Variants in SLC14A2 observed in about 807,000 individuals in gnomAD.
The protein encoded by SLC14A2 is solute carrier family 14 member 2.
A neutral mutation model predicts 104.6 loss-of-function variants in SLC14A2; 91 were observed. That is an observed-to-expected ratio of 0.87 (90% CI 0.73 to 1.04). SLC14A2 has a LOEUF of 1.04. Ranked by LOEUF, SLC14A2 falls within the 50% of genes least tolerant of loss-of-function variation. The pLI, the probability that SLC14A2 is intolerant of heterozygous loss-of-function variation, is 0.00. For missense variants in SLC14A2, 1,189 were observed against 1,156.0 expected, an observed-to-expected ratio of 1.03 and a Z score of -0.41; for synonymous variants, 476 against 466.4, an observed-to-expected ratio of 1.02 and a Z score of -0.27.
chr18:45,441,197 C>A (rs1331215721), intron 1 of SLC14A2, among the ~76,000 whole-genome samples: 1 of 152,150 alleles, frequency 6.6e-6, no homozygotes, highest in Non-Finnish European at 1.5e-5. Flanking sequence ...AGAAAAATAA[C>A]AAGGTGCCTT....
intron 2 of SLC14A2, among the ~76,000 whole-genome samples, chr18:45,566,342 A>C (rs2044265665): frequency 6.6e-6 from 1 of 152,174 alleles, no homozygotes; most frequent in Admixed American, 6.5e-5. Flanking sequence ...CTGTGTTCTC[A>C]TTAGGATATA....
At chr18:45,661,188 C>A (rs1325808219) in intron 10 of SLC14A2, among the ~76,000 whole-genome samples, 4 of 152,164 alleles carry the variant, frequency 2.6e-5, no homozygotes, top group African/African-American at 9.7e-5. Context: ...ACCTACCCAC[C>A]CATCCAAAGA....
intron 1 of SLC14A2, 106 bp from the exon 2 acceptor site, chr18:45,624,525 T>G (rs1325083857): frequency 2.9e-6 from 2 of 687,178 alleles, no homozygotes; most frequent in Non-Finnish European, 2.4e-6. Flanking sequence ...CCCACGTGTG[T>G]CACTGTCCAA....
At chr18:45,582,870 C>T (rs149492626) in intron 2 of SLC14A2, among the ~76,000 whole-genome samples, 1 of 152,182 alleles carries the variant, frequency 6.6e-6, no homozygotes, top group African/African-American at 2.4e-5. Flanking sequence ...CAAAATGGAA[C>T]CACTGCCTGC....
intron 1 of SLC14A2, among the ~76,000 whole-genome samples, chr18:45,342,942 A>G (rs1358422661): frequency 6.6e-6 from 1 of 152,132 alleles, no homozygotes; most frequent in East Asian, 1.9e-4. Flanking sequence ...TGTAACCATT[A>G]TTCAGACCTT....
intron 1 of SLC14A2, among the ~76,000 whole-genome samples, chr18:45,475,670 T>TATTTAGG (rs2087362672): frequency 3.7e-5 from 4 of 107,688 alleles, no homozygotes; most frequent in African/African-American, 1.4e-4. Flanking sequence ...TATATATATA[T>TATTTAGG]ATATATATAT....
chr18:45,319,697 T>C (rs1339863002), intron 1 of SLC14A2, among the ~76,000 whole-genome samples: 1 of 152,220 alleles, frequency 6.6e-6, no homozygotes, highest in African/African-American at 2.4e-5. Context: ...AAACACCTTA[T>C]TCTCAATCCA....
chr18:45,661,229 C>T (rs2045932183), intron 10 of SLC14A2, among the ~76,000 whole-genome samples: 1 of 152,232 alleles, frequency 6.6e-6, no homozygotes, highest in Non-Finnish European at 1.5e-5. Context: ...CACTCTCCAC[C>T]TGTGTTACTA....
chr18:45,299,393 A>G (rs764942715), intron 1 of SLC14A2, among the ~76,000 whole-genome samples: 2 of 152,280 alleles, frequency 1.3e-5, no homozygotes, highest in Non-Finnish European at 2.9e-5. Flanking sequence ...AGGAAAAGCC[A>G]GGGGTGCACA....
At chr18:45,584,069 T>TTA (rs1225890856) in intron 2 of SLC14A2, among the ~76,000 whole-genome samples, 6 of 152,248 alleles carry the variant, frequency 3.9e-5, no homozygotes, top group Non-Finnish European at 8.8e-5. Context: ...CTGTATGTAT[T>TTA]TATACTGCAG....
chr18:45,358,835 C>G (rs898263067), intron 1 of SLC14A2, among the ~76,000 whole-genome samples: 2 of 152,030 alleles, frequency 1.3e-5, no homozygotes, highest in African/African-American at 2.4e-5. Context: ...CTCAATCTCC[C>G]ACAAAGTGCT....
chr18:45,327,330 G>A (rs967491103), intron 1 of SLC14A2, among the ~76,000 whole-genome samples: 1 of 151,662 alleles, frequency 6.6e-6, no homozygotes, highest in Non-Finnish European at 1.5e-5. Context: ...GTGCTTTTTT[G>A]GTAAAATTTA....
chr18:45,396,606 G>T (rs1329302047), intron 1 of SLC14A2, among the ~76,000 whole-genome samples: 2 of 150,722 alleles, frequency 1.3e-5, no homozygotes, highest in African/African-American at 4.9e-5. Flanking sequence ...TACAGCTTGG[G>T]AGTCAACCTG....
At position 45,236,672 on chromosome 18, in the gene SLC14A2, C is replaced by T. The variant is rs1454499826; in HGVS notation, c.-125+23481C>T. Reference sequence around the variant, plus strand: ...TCTTTTTCTTTCTTTCATCAATGGACACTGATCTTGATTCCATATCTTAGC... The same window carrying T: ...TCTTTTTCTTTCTTTCATCAATGGATACTGATCTTGATTCCATATCTTAGC... On this transcript the variant is annotated intron_variant, in intron 1 of 20. Transcript: ENST00000586448. 2.6e-5 allele frequency among the ~76,000 whole-genome samples: 4 copies of T among 151,334 alleles called. No homozygotes were observed. In the East Asian group the frequency reaches 7.7e-4, roughly 29 times the overall value.
intron 1 of SLC14A2, among the ~76,000 whole-genome samples, chr18:45,454,051 G>T (rs756051432): frequency 3.3e-5 from 5 of 151,762 alleles, no homozygotes; most frequent in Non-Finnish European, 7.4e-5. Context: ...GTAGAGACAG[G>T]GTTTCACCAT....
intron 2 of SLC14A2, among the ~76,000 whole-genome samples, chr18:45,548,660 T>A (rs1226038878): frequency 6.6e-6 from 1 of 152,184 alleles, no homozygotes; most frequent in Non-Finnish European, 1.5e-5. Flanking sequence ...TCTATCATCA[T>A]GCCACTGCAC....
Position 45,641,228 on chromosome 18 carries a change from C to A in SLC14A2, c.1011C>A (p.Pro337=). The change falls in exon 8 of 20, where the codon CCC becomes CCA. Residue 337 remains proline (P), a synonymous_variant. Coordinates refer to ENST00000255226, the MANE Select transcript of SLC14A2 (RefSeq NM_007163.4). The stretch of plus-strand genomic sequence containing the variant: ...CCATAGCCCTGTCAGTGGCCACACC[C>A]TTCGAGACCATCTACACAGGCCTCT... ...GLLAALSVAT[P]FETIYTGLWS... is the part of the protein sequence containing the mutation. 1 of 1,613,780 alleles carries A rather than the reference C, an allele frequency of 6.2e-7. No individual in the cohort carries two copies. Among genetic ancestry groups the A allele is most frequent in the Non-Finnish European group, 8.5e-7 (1 of 1,179,910 alleles).
At chr18:45,208,713 G>C (rs1033923669), upstream of SLC14A2, among the ~76,000 whole-genome samples, 2 of 152,106 alleles carry the variant, frequency 1.3e-5, no homozygotes, top group African/African-American at 4.8e-5. Context: ...ACTGAGAAGA[G>C]TGGGGTGTCA....
intron 1 of SLC14A2, among the ~76,000 whole-genome samples, chr18:45,284,599 A>G (rs2084795175): frequency 6.6e-6 from 1 of 151,944 alleles, no homozygotes; most frequent in African/African-American, 2.4e-5. Flanking sequence ...TGCTGTTTTC[A>G]TTGCAGTCTC....
Sources: gnomAD v4.1 joint callset for allele counts (sites outside exome capture counted in the v4.1 genomes callset) on GRCh38, gnomAD v4.1.1 for gene constraint, MANE v1.5 for transcripts, NCBI Gene and HGNC (gene_info 2026-07-23, HGNC 2026-07-21) for gene names.